STK4: variants seen among roughly 807,000 people sequenced by gnomAD.
STK4 encodes the protein serine/threonine kinase 4.
In STK4, 30 loss-of-function variants were observed where a neutral mutation model predicts 64.9. The observed-to-expected ratio is 0.46, with a 90% confidence interval of 0.35 to 0.63. STK4 has a LOEUF of 0.63. Ranked by LOEUF, STK4 falls within the 20% of genes least tolerant of loss-of-function variation. The probability of loss-of-function intolerance (pLI) is 0.01; values close to 1 mark genes in which losing one functional copy is unlikely to be tolerated. For synonymous variants in STK4, 177 were observed against 199.0 expected (o/e 0.89, Z 0.93); for missense variants, 466 against 598.5 (o/e 0.78, Z 2.31).
chr20:45,063,702 C>T (rs1236467971), intron 10 of STK4, among the ~76,000 whole-genome samples: 2 of 152,082 alleles, frequency 1.3e-5, no homozygotes, highest in Non-Finnish European at 2.9e-5. Context: ...CCTAGGTTAT[C>T]TTCCATGGTT....
chr20:44,988,533 G>GTATATATATATATATATATATA (rs71197589), intron 5 of STK4, among the ~76,000 whole-genome samples: 7 of 101,582 alleles, frequency 6.9e-5, no homozygotes, highest in African/African-American at 9.5e-5. Context: ...ATGTGTGTGT[G>GTATATATATATATATATATATA]TATATATATA....
intron 10 of STK4, among the ~76,000 whole-genome samples, chr20:45,051,634 T>C (rs1269857993): frequency 6.6e-6 from 1 of 152,254 alleles, no homozygotes; most frequent in Middle Eastern, 3.2e-3. Context: ...GGATTCTTTT[T>C]ATAGCTTCAT....
intron 5 of STK4, 142 bp downstream of exon 5, chr20:44,987,438 G>A (rs1222965859): frequency 6.2e-6 from 5 of 800,602 alleles, no homozygotes; most frequent in Non-Finnish European, 9.5e-6. Flanking sequence ...GGTTACAAAA[G>A]AGCTAGTTAG....
intron 10 of STK4, among the ~76,000 whole-genome samples, chr20:45,035,354 T>G (rs1462634705): frequency 6.6e-6 from 1 of 152,170 alleles, no homozygotes; most frequent in Non-Finnish European, 1.5e-5. Flanking sequence ...CAATTGAGAT[T>G]TTTTTTCTGG....
chr20:44,988,956 C>A (rs1230458782), intron 5 of STK4, among the ~76,000 whole-genome samples: 1 of 152,110 alleles, frequency 6.6e-6, no homozygotes, highest in Non-Finnish European at 1.5e-5. Flanking sequence ...TTGTAACATG[C>A]ATCAATTCTT....
chr20:45,024,693 A>C (rs1026785359), intron 9 of STK4, among the ~76,000 whole-genome samples: 5 of 152,336 alleles, frequency 3.3e-5, no homozygotes, highest in Admixed American at 1.3e-4. Flanking sequence ...TATCAGAATC[A>C]TTGCATCACC....
At chr20:44,978,392 A>T in intron 2 of STK4, 51 bp from the exon 3 acceptor site, 1 of 1,579,826 alleles carries the variant, frequency 6.3e-7, no homozygotes, top group Non-Finnish European at 8.6e-7. Flanking sequence ...CACTTCTTAT[A>T]TCTTGGCTTG....
chr20:45,074,572 A>G (rs1455859460), intron 10 of STK4, among the ~76,000 whole-genome samples: 2 of 151,876 alleles, frequency 1.3e-5, no homozygotes, highest in African/African-American at 4.8e-5. Context: ...TCGATCCTCC[A>G]TGGTGTCGTA....
At chr20:45,025,392 C>G (rs1270274017) in intron 10 of STK4, among the ~76,000 whole-genome samples, 4 of 152,170 alleles carry the variant, frequency 2.6e-5, no homozygotes, top group Non-Finnish European at 5.9e-5. Flanking sequence ...GAGAAGTATT[C>G]AATCATCAAA....
chr20:45,055,751 G>A (rs1378854901), intron 10 of STK4, among the ~76,000 whole-genome samples: 3 of 144,158 alleles, frequency 2.1e-5, no homozygotes, highest in South Asian at 4.3e-4. Context: ...CTTTTTCCCC[G>A]AGACGGAGTC....
At chr20:45,026,310 A>G (rs764629222) in intron 10 of STK4, among the ~76,000 whole-genome samples, 15 of 129,418 alleles carry the variant, frequency 1.2e-4, no homozygotes, top group Non-Finnish European at 2.1e-4. Context: ...AGGTTAGGAG[A>G]CAGAAAGAGT....
At chr20:45,072,567 T>G (rs1198669656) in intron 10 of STK4, among the ~76,000 whole-genome samples, 1 of 152,224 alleles carries the variant, frequency 6.6e-6, no homozygotes, top group Non-Finnish European at 1.5e-5. Flanking sequence ...TGTTTGTTTG[T>G]TTTCATTAAA....
chr20:44,980,655 T>C (rs2067420924), intron 3 of STK4, among the ~76,000 whole-genome samples: 2 of 152,212 alleles, frequency 1.3e-5, no homozygotes, highest in Non-Finnish European at 2.9e-5. Context: ...CTTTTCCCTT[T>C]GGAGAAATCA....
At chr20:45,026,799 A>G (rs946085671) in intron 10 of STK4, among the ~76,000 whole-genome samples, 2 of 152,220 alleles carry the variant, frequency 1.3e-5, no homozygotes, top group African/African-American at 2.4e-5. Context: ...TATGGGGCAC[A>G]TCTGCTACTA....
chr20:45,051,413 T>G (rs923400723), intron 10 of STK4, among the ~76,000 whole-genome samples: 130 of 152,170 alleles, frequency 8.5e-4, no homozygotes, highest in African/African-American at 3.1e-3. Flanking sequence ...CTAGGGGGCT[T>G]TTTGGGAGAC....
chr20:45,051,160 A>G (rs1051012550), intron 10 of STK4, among the ~76,000 whole-genome samples: 1 of 152,222 alleles, frequency 6.6e-6, no homozygotes, highest in Non-Finnish European at 1.5e-5. Flanking sequence ...ACCTTAATGC[A>G]TCTCAAATAG....
intron 10 of STK4, among the ~76,000 whole-genome samples, chr20:45,064,697 A>G (rs954108144): frequency 6.6e-6 from 1 of 151,802 alleles, no homozygotes; most frequent in Non-Finnish European, 1.5e-5. Context: ...CTGGTATTTT[A>G]TTTTTTTGTG....
rs763153330 is a variant in STK4, at chr20:44,987,118, T to A, written c.361-14T>A. ...GTAAACTGATAGAATTTGAACTTCT[T>A]ATTCTTTTTTCAGTTAACAGAAGAT... On this transcript the variant is annotated splice_polypyrimidine_tract_variant and intron_variant, in intron 4 of 10. Coordinates refer to ENST00000372806, the MANE Select transcript of STK4 (RefSeq NM_006282.5). The A allele has an allele frequency of 3.8e-6, 6 of 1,574,766 alleles. No homozygotes were observed. Among genetic ancestry groups the A allele is most frequent in the Non-Finnish European group, 5.2e-6 (6 of 1,160,822 alleles).
chr20:45,038,477 A>G (rs1373811444), intron 10 of STK4, among the ~76,000 whole-genome samples: 1 of 152,066 alleles, frequency 6.6e-6, no homozygotes, highest in Non-Finnish European at 1.5e-5. Flanking sequence ...GTTGGTTGAT[A>G]TGTCTCTTAA....
Sources: allele counts gnomAD v4.1 joint callset (sites outside exome capture counted in the v4.1 genomes callset), GRCh38; gene constraint gnomAD v4.1.1; transcripts MANE v1.5; gene names NCBI Gene and HGNC (gene_info 2026-07-23, HGNC 2026-07-21).